PRDM16: variants seen among roughly 807,000 people sequenced by gnomAD.
PRDM16 encodes the protein histone-lysine N-methyltransferase PRDM16.
PRDM16 carries 23 observed loss-of-function variants against 110.6 expected under a neutral mutation model. The ratio of observed to expected loss-of-function variants is 0.21; its 90% CI spans 0.15 to 0.29. PRDM16 has a LOEUF of 0.29. PRDM16 is among the 10% of genes least tolerant of loss of function. The probability of loss-of-function intolerance (pLI) is 1.00; values close to 1 mark genes in which losing one functional copy is unlikely to be tolerated. For missense variants in PRDM16, 1,615 were observed against 1,794.3 expected, an observed-to-expected ratio of 0.90 and a Z score of 1.81; for synonymous variants, 799 against 781.8, an observed-to-expected ratio of 1.02 and a Z score of -0.37.
intron 3 of PRDM16, among the ~76,000 whole-genome samples, chr1:3,302,393 A>T (rs1476100289): frequency 6.6e-6 from 1 of 152,262 alleles, no homozygotes; most frequent in African/African-American, 2.4e-5. Context: ...GTTGCCAAAA[A>T]AAAGGTGACG....
At chr1:3,404,202 A>G (rs1389402947) in intron 6 of PRDM16, among the ~76,000 whole-genome samples, 1 of 152,150 alleles carries the variant, frequency 6.6e-6, no homozygotes, top group Non-Finnish European at 1.5e-5. Context: ...AGGGAATTAG[A>G]GCGACTCCTT....
intron 3 of PRDM16, among the ~76,000 whole-genome samples, chr1:3,328,866 A>C (rs1194918336): frequency 6.6e-6 from 1 of 152,108 alleles, no homozygotes. Context: ...ACAGAAGCCA[A>C]TGCCCACGCC....
intron 1 of PRDM16, among the ~76,000 whole-genome samples, chr1:3,178,181 G>T (rs1444892742): frequency 6.6e-6 from 1 of 152,174 alleles, no homozygotes; most frequent in East Asian, 1.9e-4. Flanking sequence ...GCAAGGGTTT[G>T]GTCCCCTCAC....
intron 2 of PRDM16, among the ~76,000 whole-genome samples, chr1:3,210,873 A>G (rs1217051786): frequency 6.6e-6 from 1 of 151,490 alleles, no homozygotes. Context: ...CTGTTCATAT[A>G]TCTATTAGGT....
intron 3 of PRDM16, among the ~76,000 whole-genome samples, chr1:3,373,362 G>A (rs566967853): frequency 2.3e-4 from 35 of 152,280 alleles, no homozygotes; most frequent in African/African-American, 7.2e-4. Context: ...GTGCCTTTGC[G>A]GTGACCCACA....
chr1:3,329,510 G>A (rs1570085454), intron 3 of PRDM16, among the ~76,000 whole-genome samples: 1 of 152,218 alleles, frequency 6.6e-6, no homozygotes, highest in African/African-American at 2.4e-5. Context: ...GCAACACTTA[G>A]TAACTTAACA....
chr1:3,433,852 C>A lies in PRDM16; in HGVS notation c.*41C>A, dbSNP rs375492357. ...GGGGCCGGTGGCCAGAGCGAGGGCA[C>A]CAGCCACGAAGGACGGAGGCGGGCG... On this transcript the variant is annotated 3_prime_UTR_variant, in exon 17 of 17. Coordinates refer to ENST00000270722, the MANE Select transcript of PRDM16 (RefSeq NM_022114.4). 5.7e-4 allele frequency: 922 copies of A among 1,607,098 alleles called. 5 individuals are homozygous for A. Among genetic ancestry groups the A allele is most frequent in the South Asian group, 5.2e-3 (475 of 90,816 alleles).
intron 2 of PRDM16, among the ~76,000 whole-genome samples, chr1:3,202,774 A>C (rs371691277): frequency 9.2e-5 from 14 of 152,182 alleles, no homozygotes; most frequent in Admixed American, 2.6e-4. Flanking sequence ...GCTCAGGCTC[A>C]CAGATGCTGC....
At chr1:3,167,438 T>A (rs1643970286) in intron 1 of PRDM16, among the ~76,000 whole-genome samples, 1 of 152,028 alleles carries the variant, frequency 6.6e-6, no homozygotes, top group Non-Finnish European at 1.5e-5. Context: ...GTCCCCATGC[T>A]TGTCACCGGG....
At chr1:3,415,202 C>T (rs916326739) in intron 10 of PRDM16, among the ~76,000 whole-genome samples, 44 of 152,240 alleles carry the variant, frequency 2.9e-4, no homozygotes, top group African/African-American at 9.9e-4. Flanking sequence ...GGAGGTGCTC[C>T]TGCCTGCCCC....
chr1:3,374,665 G>A (rs544089119), intron 3 of PRDM16, among the ~76,000 whole-genome samples: 44 of 152,194 alleles, frequency 2.9e-4, no homozygotes, highest in South Asian at 4.1e-4. Flanking sequence ...CTCTGCAAGC[G>A]GAGGCAGAGG....
At chr1:3,121,537 C>T (rs1432219957) in intron 1 of PRDM16, among the ~76,000 whole-genome samples, 1 of 152,228 alleles carries the variant, frequency 6.6e-6, no homozygotes, top group Non-Finnish European at 1.5e-5. Context: ...TCGCCTGCCT[C>T]CTGCAAGGCC....
chr1:3,369,147 G>C (rs918647850), intron 3 of PRDM16, among the ~76,000 whole-genome samples: 4 of 152,208 alleles, frequency 2.6e-5, no homozygotes, highest in African/African-American at 9.7e-5. Flanking sequence ...TTTTGTCAAA[G>C]GTGACTAGCT....
intron 2 of PRDM16, among the ~76,000 whole-genome samples, chr1:3,214,256 G>A (rs181183261): frequency 4.7e-4 from 71 of 152,298 alleles, no homozygotes; most frequent in Middle Eastern, 3.4e-3. Flanking sequence ...GGTCTGACAC[G>A]CTGGGCAACT....
chr1:3,153,476 G>A (rs760010079), intron 1 of PRDM16, among the ~76,000 whole-genome samples: 3 of 152,212 alleles, frequency 2.0e-5, no homozygotes, highest in Non-Finnish European at 4.4e-5. Flanking sequence ...TCCCCACAGC[G>A]CGGTCCCCAG....
intron 3 of PRDM16, among the ~76,000 whole-genome samples, chr1:3,281,703 T>A (rs1640714709): frequency 6.6e-6 from 1 of 152,246 alleles, no homozygotes; most frequent in Non-Finnish European, 1.5e-5. Context: ...CCAGATTGAT[T>A]GACTAGCTAT....
At chr1:3,384,597 A>G (rs985838543) in intron 3 of PRDM16, among the ~76,000 whole-genome samples, 1 of 152,248 alleles carries the variant, frequency 6.6e-6, no homozygotes, top group Non-Finnish European at 1.5e-5. Context: ...TGGTGAGAAC[A>G]GCTAGGCGTC....
At chr1:3,225,949 G>T (rs146069304) in intron 2 of PRDM16, among the ~76,000 whole-genome samples, 18 of 152,366 alleles carry the variant, frequency 1.2e-4, no homozygotes, top group African/African-American at 4.1e-4. Flanking sequence ...ATCAGGTGAG[G>T]CTGATTCTCC....
intron 1 of PRDM16, among the ~76,000 whole-genome samples, chr1:3,123,204 C>T (rs1643132851): frequency 6.6e-6 from 1 of 152,238 alleles, no homozygotes; most frequent in Non-Finnish European, 1.5e-5. Context: ...AACCCTTGCA[C>T]AGGGGACAGG....
Sources: allele counts gnomAD v4.1 joint callset (sites outside exome capture counted in the v4.1 genomes callset), GRCh38; gene constraint gnomAD v4.1.1; transcripts MANE v1.5; gene names NCBI Gene and HGNC (gene_info 2026-07-23, HGNC 2026-07-21).